Variants in RABGAP1L observed in about 807,000 individuals in gnomAD.
RABGAP1L encodes rab GTPase-activating protein 1-like.
Under a neutral mutation model 137.7 loss-of-function variants are expected in RABGAP1L, and 63 were observed. The ratio of observed to expected loss-of-function variants is 0.46; its 90% CI spans 0.37 to 0.56. RABGAP1L has a LOEUF of 0.56. RABGAP1L is among the 20% of genes least tolerant of loss of function. The pLI is 0.00. For missense variants in RABGAP1L, 1,095 were observed against 1,244.0 expected, an observed-to-expected ratio of 0.88 and a Z score of 1.80; for synonymous variants, 431 against 433.7, an observed-to-expected ratio of 0.99 and a Z score of 0.08.
At chr1:174,300,111 C>A (rs529686507) in intron 10 of RABGAP1L, among the ~76,000 whole-genome samples, 1 of 152,288 alleles carries the variant, frequency 6.6e-6, no homozygotes, top group South Asian at 2.1e-4. Context: ...TCATTATTCA[C>A]AAAAATATAA....
At chr1:174,988,478 C>T (rs1332973212) in intron 24 of RABGAP1L, among the ~76,000 whole-genome samples, 163 bp from the exon 25 acceptor site, 2 of 152,066 alleles carry the variant, frequency 1.3e-5, no homozygotes, top group East Asian at 1.9e-4. Flanking sequence ...TAGTTGGGTT[C>T]GGGCTAATGA....
At chr1:174,693,676 A>C (rs1172271672) in intron 15 of RABGAP1L, among the ~76,000 whole-genome samples, 2 of 152,182 alleles carry the variant, frequency 1.3e-5, no homozygotes, top group African/African-American at 4.8e-5. Context: ...ATATAAGCTG[A>C]GAGCTGACTA....
chr1:174,216,795 T>C lies in RABGAP1L; in HGVS notation c.-33-2330T>C, dbSNP rs187407294. 6.8e-4 allele frequency among the ~76,000 whole-genome samples: 104 copies of C among 152,254 alleles called. 1 individual carries two copies. The highest frequency in any genetic ancestry group is 2.3e-3 in the African/African-American group (95 of 41,560). ...TGATTAAGGAATTATAATGAGAAAG[T>C]GATGGGGGCAAGGGTGTATTGGGCC... On this transcript the variant is annotated intron_variant, in intron 1 of 25. Coordinates refer to ENST00000681986, the MANE Select transcript of RABGAP1L (RefSeq NM_001366446.1).
chr1:174,344,219 G>A (rs192226258), intron 11 of RABGAP1L, among the ~76,000 whole-genome samples: 2 of 152,096 alleles, frequency 1.3e-5, no homozygotes, highest in South Asian at 2.1e-4. Context: ...ACTTATTTTC[G>A]TGGTGATCTC....
chr1:174,505,161 A>C (rs1287080101), intron 13 of RABGAP1L, among the ~76,000 whole-genome samples: 2 of 152,216 alleles, frequency 1.3e-5, no homozygotes, highest in Admixed American at 1.3e-4. Context: ...GGCAGTGATC[A>C]AAGCAAAAGT....
chr1:174,328,014 T>C (rs886928670), intron 11 of RABGAP1L, among the ~76,000 whole-genome samples: 12 of 116,278 alleles, frequency 1.0e-4, no homozygotes, highest in Admixed American at 4.4e-4. Context: ...TATATATATA[T>C]ATATATATAT....
intron 19 of RABGAP1L, among the ~76,000 whole-genome samples, chr1:174,951,651 C>T (rs535947775): frequency 2.4e-4 from 36 of 152,052 alleles, no homozygotes; most frequent in Non-Finnish European, 4.4e-5. Flanking sequence ...CAAGCATGTA[C>T]CCCTCAAACC....
chr1:174,267,561 A>T (rs566138034), intron 7 of RABGAP1L, among the ~76,000 whole-genome samples: 1 of 152,332 alleles, frequency 6.6e-6, no homozygotes, highest in East Asian at 1.9e-4. Flanking sequence ...GATACTTCAC[A>T]ACATTGAACA....
At chr1:174,662,732 C>A (rs1297471266) in intron 14 of RABGAP1L, among the ~76,000 whole-genome samples, 1 of 152,164 alleles carries the variant, frequency 6.6e-6, no homozygotes, top group African/African-American at 2.4e-5. Context: ...CATCTCCATG[C>A]ATATTTTTGT....
At chr1:174,677,073 G>A (rs1677686899) in intron 14 of RABGAP1L, among the ~76,000 whole-genome samples, 1 of 151,546 alleles carries the variant, frequency 6.6e-6, no homozygotes, top group Non-Finnish European at 1.5e-5. Flanking sequence ...TGTAATCCAA[G>A]CACTCTGGAT....
chr1:174,228,686 CA>C (rs1490651651), intron 3 of RABGAP1L, among the ~76,000 whole-genome samples: 1 of 152,074 alleles, frequency 6.6e-6, no homozygotes, highest in Non-Finnish European at 1.5e-5. Flanking sequence ...ACAAAAAAGT[CA>C]GTGGTGAAGT....
intron 19 of RABGAP1L, among the ~76,000 whole-genome samples, chr1:174,845,951 T>G (rs1694000116): frequency 7.3e-6 from 1 of 136,970 alleles, no homozygotes; most frequent in African/African-American, 2.7e-5. Flanking sequence ...TGGTTTAGTC[T>G]TGGGAGAGTG....
intron 15 of RABGAP1L, among the ~76,000 whole-genome samples, chr1:174,691,514 AG>A: frequency 6.6e-6 from 1 of 152,202 alleles, no homozygotes; most frequent in Non-Finnish European, 1.5e-5. Context: ...CATGTGAGGC[AG>A]GTATTTTTGT....
intron 17 of RABGAP1L, among the ~76,000 whole-genome samples, chr1:174,751,306 C>T (rs1684318670): frequency 6.6e-6 from 1 of 152,106 alleles, no homozygotes; most frequent in South Asian, 2.1e-4. Context: ...TGGGCCTAAT[C>T]CTTGCTTCTG....
chr1:174,291,523 A>C (rs1676603970), intron 10 of RABGAP1L, among the ~76,000 whole-genome samples: 1 of 152,138 alleles, frequency 6.6e-6, no homozygotes, highest in African/African-American at 2.4e-5. Flanking sequence ...AATTTTTATA[A>C]GATTTGTATT....
intron 18 of RABGAP1L, among the ~76,000 whole-genome samples, chr1:174,799,666 C>T (rs1286134399): frequency 6.6e-6 from 1 of 151,976 alleles, no homozygotes; most frequent in Admixed American, 6.6e-5. Context: ...ACAGCATTCT[C>T]CCCTGAGACA....
At chr1:174,828,071 A>C (rs1445693500) in intron 19 of RABGAP1L, among the ~76,000 whole-genome samples, 2 of 148,176 alleles carry the variant, frequency 1.3e-5, no homozygotes, top group Non-Finnish European at 3.0e-5. Context: ...TTTGTCCCTA[A>C]ATTTTGACCC....
chr1:174,849,469 A>G (rs964234898), intron 19 of RABGAP1L, among the ~76,000 whole-genome samples: 1 of 152,208 alleles, frequency 6.6e-6, no homozygotes, highest in African/African-American at 2.4e-5. Context: ...TGACATGTAC[A>G]TATAAAATAT....
chr1:174,466,337 G>C (rs1657293501), intron 13 of RABGAP1L, among the ~76,000 whole-genome samples: 1 of 152,170 alleles, frequency 6.6e-6, no homozygotes, highest in Non-Finnish European at 1.5e-5. Flanking sequence ...GCAAAACTTA[G>C]TAAAAAGCTT....
Sources: gnomAD v4.1 joint callset for allele counts (sites outside exome capture counted in the v4.1 genomes callset) on GRCh38, gnomAD v4.1.1 for gene constraint, MANE v1.5 for transcripts, NCBI Gene and HGNC (gene_info 2026-07-23, HGNC 2026-07-21) for gene names.